The following HEATR3 variants were observed in gnomAD, a reference collection of about 807,000 sequenced individuals.
The protein encoded by HEATR3 is HEAT repeat-containing protein 3.
HEATR3 carries 56 observed loss-of-function variants against 72.8 expected under a neutral mutation model. The ratio of observed to expected loss-of-function variants is 0.77; its 90% CI spans 0.62 to 0.96. The LOEUF (loss-of-function observed/expected upper bound fraction) is 0.96, where lower values mean the gene tolerates loss of function less well. Ranked by LOEUF, HEATR3 falls within the 40% of genes least tolerant of loss-of-function variation. The pLI is 0.00. For synonymous variants in HEATR3, 331 were observed against 318.1 expected, an observed-to-expected ratio of 1.04 and a Z score of -0.43; for missense variants, 747 against 831.4, an observed-to-expected ratio of 0.90 and a Z score of 1.25.
At position 50,094,786 on chromosome 16, in the gene HEATR3, T is replaced by C. The variant is rs757190267; in HGVS notation, c.1592T>C (p.Ile531Thr). ...ALLQTMASKN[I>T]SQCMTPDQLM... ...TTGCAAACAATGGCCTCCAAGAACA[T>C]TTCCCAGGTAAGAGTTTTAAAATTT... is the stretch of plus-strand genomic sequence containing the variant. The change falls in exon 12 of 15, where the codon ATT becomes ACT. Residue 531 changes from isoleucine (I) to threonine (T), a missense_variant. Coordinates refer to ENST00000299192, the MANE Select transcript of HEATR3 (RefSeq NM_182922.4). 10 of 1,591,616 alleles carry C rather than the reference T, an allele frequency of 6.3e-6. No homozygotes were observed. The South Asian group carries it at 1.0e-4, about 17-fold the overall frequency.
intron 12 of HEATR3, among the ~76,000 whole-genome samples, chr16:50,097,689 C>T (rs1387723399): frequency 6.6e-6 from 1 of 151,930 alleles, no homozygotes; most frequent in East Asian, 1.9e-4. Context: ...CTGAGGTGGG[C>T]GGATCACTTG....
At chr16:50,073,558 T>C (rs2036658681) in intron 5 of HEATR3, 2 of 152,184 alleles carry the variant, frequency 1.3e-5, no homozygotes, top group African/African-American at 2.4e-5. Context: ...TAAAAATCAT[T>C]TCTCTAAATG....
At chr16:50,093,463 G>T (rs2037164478) in intron 11 of HEATR3, among the ~76,000 whole-genome samples, 1 of 152,124 alleles carries the variant, frequency 6.6e-6, no homozygotes, top group Admixed American at 6.5e-5. Flanking sequence ...GGGACATTTG[G>T]CAACGTCTGG....
Position 50,075,722 on chromosome 16 carries a change from G to A in HEATR3, c.763+11G>A, listed in dbSNP as rs116693328. 6.2e-7 allele frequency: 1 copy of A among 1,609,726 alleles called. No homozygotes were observed. On this transcript the variant is annotated intron_variant, in intron 6 of 14. Transcript: ENST00000299192. ...AGACATTGGTAGCAGGTAAAATTTA[G>A]CCTTACGGCATAGTATATTGTTTCA...
chr16:50,084,022 A>G lies in HEATR3; in HGVS notation c.1127A>G (p.Asn376Ser), dbSNP rs147344998. The change falls in exon 8 of 15, where the codon AAT (asparagine) becomes AGT (serine). Residue 376 changes from asparagine to serine, a missense_variant. Transcript: ENST00000299192. ...GAAATTATTGTCAACATGTGCTGCA[A>G]TGAAGGTTTGTTAACATTTACATTT... ...ALEIIVNMCC[N>S]EDPSDDEWEE... The G allele has an allele frequency of 6.4e-5, 104 of 1,613,870 alleles. No individual in the cohort carries two copies. In the African/African-American group the frequency reaches 1.1e-3, roughly 16 times the overall value.
At chr16:50,082,663 G>C (rs1376393771) in intron 7 of HEATR3, among the ~76,000 whole-genome samples, 1 of 146,622 alleles carries the variant, frequency 6.8e-6, no homozygotes, top group African/African-American at 2.5e-5. Flanking sequence ...GCTCATGCCT[G>C]TAATCTCAAC....
chr16:50,100,002 G>A (rs1436309890), intron 12 of HEATR3, among the ~76,000 whole-genome samples: 1 of 152,150 alleles, frequency 6.6e-6, no homozygotes, highest in Admixed American at 6.6e-5. Context: ...GAGCCCCTTT[G>A]ATATTAGATA....
chr16:50,072,673 T>A lies in HEATR3; in HGVS notation c.581T>A (p.Leu194Ter). 1.2e-6 allele frequency: 2 copies of A among 1,608,234 alleles called. No individual in the cohort carries two copies. Among genetic ancestry groups the A allele is most frequent in the Non-Finnish European group, 1.7e-6 (2 of 1,174,602 alleles). Residue 194 changes from leucine (L) to a stop codon, truncating the protein, a stop_gained, in exon 5 of 15, where the codon TTA becomes TAA. Coordinates refer to ENST00000299192, the MANE Select transcript of HEATR3 (RefSeq NM_182922.4). LOFTEE classifies it high-confidence loss of function. The stretch of plus-strand genomic sequence containing the variant: ...TGTTTGGAGATTGTGTTAAAGTATT[T>A]AAGTAGGTTTCCTACCAATGTTGAC... Reference protein sequence around the residue: ...EGCLEIVLKYLSRFPTNVDLA... With the variant: ...EGCLEIVLKY
intron 14 of HEATR3, among the ~76,000 whole-genome samples, chr16:50,103,227 G>C (rs1004348988): frequency 6.6e-6 from 1 of 152,196 alleles, no homozygotes; most frequent in Non-Finnish European, 1.5e-5. Context: ...GTTAAACAGT[G>C]AACTGGGAAA....
chr16:50,066,845 G>T, intron 2 of HEATR3: 1 of 322,466 alleles, frequency 3.1e-6, no homozygotes, highest in Non-Finnish European at 5.6e-6. Flanking sequence ...GAACTCTTCA[G>T]TTCATGTGTC....
At chr16:50,101,833 G>A (rs1239701827) in intron 13 of HEATR3, among the ~76,000 whole-genome samples, 1 of 152,144 alleles carries the variant, frequency 6.6e-6, no homozygotes, top group African/African-American at 2.4e-5. Context: ...TCCCGCCTTA[G>A]CCTCACAAAG....
At chr16:50,087,469 A>G (rs973611036) in intron 11 of HEATR3, among the ~76,000 whole-genome samples, 2 of 152,264 alleles carry the variant, frequency 1.3e-5, no homozygotes, top group African/African-American at 2.4e-5. Flanking sequence ...ACAGATTTTC[A>G]TAGTTCCTCA....
At chr16:50,078,684 A>G in intron 6 of HEATR3, 57 bp from the exon 7 acceptor site, 1 of 1,528,240 alleles carries the variant, frequency 6.5e-7, no homozygotes, top group Middle Eastern at 2.2e-4. Context: ...GTGAAAACTT[A>G]AACTTAGTAA....
chr16:50,102,351 A>G lies in HEATR3; in HGVS notation c.1836A>G (p.Ala612=), dbSNP rs113298310. The change falls in exon 14 of 15, where the codon GCA becomes GCG. Residue 612 remains alanine (A), a synonymous_variant. Transcript: ENST00000299192. The part of the protein sequence containing the change: ...EALDALFDVF[A]DGKEAERASI... The stretch of plus-strand genomic sequence containing the variant: ...TGGATGCCCTCTTTGATGTTTTTGC[A>G]GATGGTAAAGAAGCCGAAAGAGCCT... 2.5e-6 allele frequency: 4 copies of G among 1,614,126 alleles called. No individual in the cohort carries two copies. Among genetic ancestry groups the G allele is most frequent in the East Asian group, 2.2e-5 (1 of 44,878 alleles).
Position 50,066,251 on chromosome 16 carries a change from G to C in HEATR3, c.120G>C (p.Ala40=). The part of the protein sequence containing the change: ...GTGGEEDDGP[A]AELLEKLQHP... ...GAGGCGAGGAGGACGACGGGCCGGC[G>C]GCGGAGCTGCTGGAAAAGGTGAGGC... The change falls in exon 1 of 15, where the codon GCG becomes GCC. Residue 40 remains alanine (A), a synonymous_variant. Transcript: ENST00000299192. 6.4e-7 allele frequency: 1 copy of C among 1,563,730 alleles called. No homozygotes were observed. Among genetic ancestry groups the C allele is most frequent in the Non-Finnish European group, 8.6e-7 (1 of 1,157,386 alleles).
chr16:50,066,338 C>A (rs181386922), intron 1 of HEATR3, 29 bp from the exon 2 acceptor site: 78 of 1,563,310 alleles, frequency 5.0e-5, no homozygotes, highest in Non-Finnish European at 6.4e-5. Flanking sequence ...CATTGCGCGC[C>A]TTCTGACCCT....
intron 7 of HEATR3, among the ~76,000 whole-genome samples, chr16:50,081,361 C>T (rs1262729569): frequency 6.6e-6 from 1 of 152,192 alleles, no homozygotes; most frequent in Non-Finnish European, 1.5e-5. Context: ...ACAAGAATCA[C>T]TTGAATCTGG....
chr16:50,086,466 A>G (rs978106179), intron 11 of HEATR3, 115 bp downstream of exon 11: 3 of 1,129,654 alleles, frequency 2.7e-6, no homozygotes, highest in East Asian at 2.6e-5. Context: ...AACCTTTCCC[A>G]GACACAGGAA....
chr16:50,099,563 A>C (rs930333211), intron 12 of HEATR3, among the ~76,000 whole-genome samples: 1 of 152,158 alleles, frequency 6.6e-6, no homozygotes, highest in Non-Finnish European at 1.5e-5. Flanking sequence ...TCCAGATTCC[A>C]AGCCTTTCAT....
Sources: allele counts gnomAD v4.1 joint callset (sites outside exome capture counted in the v4.1 genomes callset), GRCh38; gene constraint gnomAD v4.1.1; transcripts MANE v1.5; gene names NCBI Gene and HGNC (gene_info 2026-07-23, HGNC 2026-07-21).